RFX7: variants seen among roughly 807,000 people sequenced by gnomAD.
RFX7 encodes regulatory factor X7, also known as DNA-binding protein RFX7.
RFX7 carries 26 observed loss-of-function variants against 111.8 expected under a neutral mutation model. That is an observed-to-expected ratio of 0.23 (90% CI 0.17 to 0.32). RFX7 has a LOEUF of 0.32. Ranked by LOEUF, RFX7 falls within the 10% of genes least tolerant of loss-of-function variation. RFX7 has a pLI of 1.00. For missense variants in RFX7, 1,573 were observed against 1,772.9 expected, an observed-to-expected ratio of 0.89 and a Z score of 2.02; for synonymous variants, 624 against 624.4, an observed-to-expected ratio of 1.00 and a Z score of 0.01.
chr15:56,157,931 C>T (rs2042674039), intron 3 of RFX7, among the ~76,000 whole-genome samples: 1 of 152,206 alleles, frequency 6.6e-6, no homozygotes, highest in African/African-American at 2.4e-5. Context: ...TTCACTGACT[C>T]TTCTAGAACT....
chr15:56,164,670 T>C (rs1161674634), intron 3 of RFX7, among the ~76,000 whole-genome samples: 1 of 152,200 alleles, frequency 6.6e-6, no homozygotes, highest in African/African-American at 2.4e-5. Flanking sequence ...TATGCTAAAA[T>C]TGGATTTTTC....
At position 56,092,895 on chromosome 15, in the gene RFX7, T is replaced by C. The variant is rs1391659384; in HGVS notation, c.*450A>G. On this transcript the variant is annotated 3_prime_UTR_variant, in exon 10 of 10. Transcript: ENST00000559447. The stretch of plus-strand genomic sequence containing the variant: ...TAAATATTTATAATAACCTGAATAT[T>C]ATCCCTGTTTCAAGGAAGACTTTCT... 1 of 156,046 alleles carries C rather than the reference T, an allele frequency of 6.4e-6. No homozygotes were observed. Among genetic ancestry groups the C allele is most frequent in the Non-Finnish European group, 1.4e-5 (1 of 70,140 alleles). 9.7% of individuals were successfully genotyped at this position (156,046 alleles called of 1,614,324 possible).
chr15:56,133,283 A>C (rs904881871), intron 5 of RFX7, among the ~76,000 whole-genome samples: 11 of 152,100 alleles, frequency 7.2e-5, no homozygotes, highest in African/African-American at 2.7e-4. Flanking sequence ...ATTTCTATTA[A>C]TATCTTAATT....
In RFX7 at chr15:56,095,346, G is replaced by A. The variant is rs750381206; in HGVS notation, c.2382C>T (p.Ala794=). Reference sequence around the variant, plus strand: ...TGATATCTTGCTGTTGTTCACAACTGGCAGATATAAACTCAGAATCTTTAG... The same window carrying A: ...TGATATCTTGCTGTTGTTCACAACTAGCAGATATAAACTCAGAATCTTTAG... ...QITKDSEFIS[A]SCEQQQDISV... The change falls in exon 10 of 10, where the codon GCC becomes GCT. Residue 794 remains alanine (A), a synonymous_variant. Coordinates refer to ENST00000559447, the MANE Select transcript of RFX7 (RefSeq NM_022841.7). The A allele has an allele frequency of 1.9e-6, 3 of 1,613,802 alleles. No homozygotes were observed. Among genetic ancestry groups the A allele is most frequent in the Admixed American group, 1.7e-5 (1 of 60,024 alleles).
At chr15:56,172,568 G>C (rs567145652) in intron 3 of RFX7, among the ~76,000 whole-genome samples, 1 of 152,254 alleles carries the variant, frequency 6.6e-6, no homozygotes, top group African/African-American at 2.4e-5. Flanking sequence ...CTTCTGTTGA[G>C]AGATAAGGGA....
chr15:56,127,114 A>T (rs186914947), intron 5 of RFX7, among the ~76,000 whole-genome samples: 115 of 152,134 alleles, frequency 7.6e-4, no homozygotes, highest in Non-Finnish European at 9.3e-4. Context: ...AATACATTTT[A>T]AAAAAAACTG....
At chr15:56,147,666 C>CG (rs753999643) in intron 3 of RFX7, among the ~76,000 whole-genome samples, 7 of 152,110 alleles carry the variant, frequency 4.6e-5, no homozygotes, top group Admixed American at 1.3e-4. Flanking sequence ...CTCCGCCCCC[C>CG]GGGTTCACAC....
intron 5 of RFX7, among the ~76,000 whole-genome samples, chr15:56,115,153 G>A (rs1292909078): frequency 2.6e-5 from 4 of 152,070 alleles, no homozygotes; most frequent in Admixed American, 2.6e-4. Flanking sequence ...GGGATTATAA[G>A]CGCCCACCAC....
At chr15:56,192,466 C>A in intron 2 of RFX7, 1 of 202,094 alleles carries the variant, frequency 4.9e-6, no homozygotes, top group Non-Finnish European at 1.1e-5. Flanking sequence ...TCATGCCATC[C>A]ATCCATGATG....
At chr15:56,233,715 T>G (rs764544109) in intron 2 of RFX7, among the ~76,000 whole-genome samples, 1 of 152,190 alleles carries the variant, frequency 6.6e-6, no homozygotes, top group Non-Finnish European at 1.5e-5. Flanking sequence ...GGCAAGGTAC[T>G]AAGGCATAGA....
chr15:56,096,844 TAA>T (rs1469458359), intron 9 of RFX7, among the ~76,000 whole-genome samples: 89 of 152,280 alleles, frequency 5.8e-4, no homozygotes, highest in African/African-American at 6.5e-4. Context: ...GTAAGAACAT[TAA>T]GTTACTTTTC....
At chr15:56,103,788 T>C (rs1376507023) in intron 5 of RFX7, 118 bp from the exon 6 acceptor site, 3 of 646,618 alleles carry the variant, frequency 4.6e-6, no homozygotes, top group Non-Finnish European at 8.0e-6. Context: ...TTCAAGTCAT[T>C]TGCCACAATG....
intron 5 of RFX7, among the ~76,000 whole-genome samples, chr15:56,113,720 C>A (rs2041969623): frequency 1.3e-5 from 2 of 149,756 alleles, no homozygotes; most frequent in African/African-American, 2.4e-5. Context: ...AAAATTACAT[C>A]ATTAAATTTT....
chr15:56,233,910 T>A (rs2043595067), intron 2 of RFX7, among the ~76,000 whole-genome samples: 1 of 152,216 alleles, frequency 6.6e-6, no homozygotes, highest in Admixed American at 6.5e-5. Context: ...GTGGAAATCC[T>A]ATTCCTTAGT....
chr15:56,170,083 G>A (rs1002367159), intron 3 of RFX7, among the ~76,000 whole-genome samples: 2 of 152,066 alleles, frequency 1.3e-5, no homozygotes, highest in African/African-American at 4.8e-5. Context: ...TATGTTTAAT[G>A]ATTGATTCAT....
In RFX7 at chr15:56,087,925, GA is replaced by G. The variant is rs2041547630; in HGVS notation, c.*5419del. 1 of 331,496 alleles carries G rather than the reference GA, an allele frequency of 3.0e-6. No homozygotes were observed. The highest frequency in any genetic ancestry group is 5.9e-6 in the Non-Finnish European group (1 of 170,426). The allele number at this position is 331,496 out of a possible 1,614,324, so 20.5% of individuals were successfully genotyped here. A position where few individuals can be genotyped will look rare whatever the true frequency, so the allele number is the denominator to read the frequency against. On this transcript the variant is annotated 3_prime_UTR_variant, in exon 10 of 10. Transcript: ENST00000559447. Reference sequence around the variant, plus strand: ...GAGTATACCTGTATGAAATATGCTTGAAAAGCTGTGTGGAAAACAAAATTTT... The same window carrying G: ...GAGTATACCTGTATGAAATATGCTTGAAAGCTGTGTGGAAAACAAAATTTT...
rs184515001 is a variant in RFX7 at position 56,099,389 on chromosome 15, G to A, written c.812-1013C>T. Among the ~76,000 whole-genome samples the A allele has an allele frequency of 5.9e-5, 9 of 152,200 alleles. No individual in the cohort carries two copies. The East Asian group carries it at 1.7e-3, about 29-fold the overall frequency. The stretch of plus-strand genomic sequence containing the variant: ...ATGATGAGGATCTGTTGAACCCCCA[G>A]CCCCTTTTAAAAATCACAATTTTTC... On this transcript the variant is annotated intron_variant, in intron 8 of 9. Coordinates refer to ENST00000559447, the MANE Select transcript of RFX7 (RefSeq NM_022841.7).
intron 5 of RFX7, among the ~76,000 whole-genome samples, chr15:56,108,810 C>T (rs2140543136): frequency 6.6e-6 from 1 of 152,238 alleles, no homozygotes; most frequent in East Asian, 1.9e-4. Context: ...ATTGTCTCAG[C>T]CCAAAAACTC....
chr15:56,158,958 T>C (rs1307637070), intron 3 of RFX7, among the ~76,000 whole-genome samples: 1 of 152,204 alleles, frequency 6.6e-6, no homozygotes, highest in Admixed American at 6.5e-5. Context: ...TAACGAAAAC[T>C]GTGTACCCTT....
Sources: allele counts gnomAD v4.1 joint callset (sites outside exome capture counted in the v4.1 genomes callset), GRCh38; gene constraint gnomAD v4.1.1; transcripts MANE v1.5; gene names NCBI Gene and HGNC (gene_info 2026-07-23, HGNC 2026-07-21).